CDH12: variants seen among roughly 807,000 people sequenced by gnomAD.
CDH12 encodes cadherin-12.
A neutral mutation model predicts 74.1 loss-of-function variants in CDH12; 41 were observed. The observed-to-expected ratio is 0.55, with a 90% CI of 0.43 to 0.72. The LOEUF (loss-of-function observed/expected upper bound fraction) is 0.72. CDH12 is among the 30% of genes least tolerant of loss of function. The pLI, the probability that CDH12 is intolerant of heterozygous loss-of-function variation, is 0.00. For missense variants in CDH12, 945 were observed against 977.2 expected (o/e 0.97, Z 0.44); for synonymous variants, 399 against 355.0 (o/e 1.12, Z -1.39).
chr5:22,308,853 C>CAG (rs141870636), intron 3 of CDH12, among the ~76,000 whole-genome samples: 124 of 135,868 alleles, frequency 9.1e-4, no homozygotes, highest in African/African-American at 3.1e-3. Context: ...CACATACACA[C>CAG]AGAGAGAGAG....
chr5:22,348,547 G>C (rs1395906675), intron 3 of CDH12, among the ~76,000 whole-genome samples: 1 of 152,144 alleles, frequency 6.6e-6, no homozygotes, highest in African/African-American at 2.4e-5. Context: ...GATTGTTCAT[G>C]TACATATACA....
At position 22,279,382 on chromosome 5, in the gene CDH12, C is replaced by T. The variant is rs1736775591; in HGVS notation, c.-332-66739G>A. 3.9e-5 allele frequency among the ~76,000 whole-genome samples: 6 copies of T among 152,180 alleles called. No individual in the cohort carries two copies. In the South Asian group the frequency reaches 1.2e-3, roughly 32 times the overall value. On this transcript the variant is annotated intron_variant, in intron 3 of 14. Coordinates refer to ENST00000382254, the MANE Select transcript of CDH12 (RefSeq NM_004061.5). The stretch of plus-strand genomic sequence containing the variant: ...TTAGAAAATTACTGTTTTTTATATA[C>T]ATATTGATTATACTTTAAGTTTTAG...
intron 3 of CDH12, among the ~76,000 whole-genome samples, chr5:22,317,497 ACAAC>A (rs1478662895): frequency 1.3e-5 from 2 of 152,188 alleles, no homozygotes; most frequent in African/African-American, 4.8e-5. Context: ...AGATTATAAG[ACAAC>A]CAACCATGAA....
At chr5:22,447,423 C>T (rs1744857752) in intron 2 of CDH12, among the ~76,000 whole-genome samples, 2 of 151,992 alleles carry the variant, frequency 1.3e-5, no homozygotes, top group Admixed American at 6.6e-5. Flanking sequence ...AAAATATTAA[C>T]AAGCCTAATG....
At chr5:22,767,877 G>A (rs1046200208) in intron 1 of CDH12, among the ~76,000 whole-genome samples, 3 of 151,664 alleles carry the variant, frequency 2.0e-5, no homozygotes, top group East Asian at 3.9e-4. Flanking sequence ...ATTTTTAAAG[G>A]CAGCATTTCA....
Position 22,512,647 on chromosome 5 carries a change from T to C in CDH12, c.-522-7283A>G, listed in dbSNP as rs546553720. ...AACTTGGGCATAGACATACATCTTG[T>C]TTCCAATGCCCCTACGATAATGAAA... On this transcript the variant is annotated intron_variant, in intron 1 of 14. Transcript: ENST00000382254. Among the ~76,000 whole-genome samples, 25 of 152,316 alleles carry C rather than the reference T, an allele frequency of 1.6e-4. No individual in the cohort carries two copies. The South Asian group carries it at 2.3e-3, about 14-fold the overall frequency.
intron 3 of CDH12, among the ~76,000 whole-genome samples, chr5:22,306,626 C>T (rs1241437561): frequency 1.3e-5 from 2 of 152,094 alleles, no homozygotes; most frequent in South Asian, 2.1e-4. Context: ...GTTTCTAGCA[C>T]ACACTTTGTG....
intron 5 of CDH12, among the ~76,000 whole-genome samples, chr5:22,027,686 G>C (rs1580133900): frequency 2.0e-5 from 3 of 151,988 alleles, no homozygotes; most frequent in Admixed American, 2.0e-4. Context: ...TTTATTGTGT[G>C]TATTTGATTC....
At chr5:21,942,292 A>C (rs2150091369) in intron 6 of CDH12, among the ~76,000 whole-genome samples, 2 of 150,256 alleles carry the variant, frequency 1.3e-5, no homozygotes, top group East Asian at 3.9e-4. Context: ...TTAATCCACT[A>C]AGTTGGTAGT....
intron 6 of CDH12, among the ~76,000 whole-genome samples, chr5:21,963,093 C>CGATA (rs199706779): frequency 0.045 from 6,847 of 150,920 alleles, 173 homozygotes; most frequent in East Asian, 0.089. Flanking sequence ...TTACAAATAT[C>CGATA]GATAGATAGA....
At chr5:22,750,917 GA>G (rs34040056) in intron 1 of CDH12, among the ~76,000 whole-genome samples, 2,533 of 140,990 alleles carry the variant, frequency 0.018, 75 homozygotes, top group African/African-American at 0.062. Context: ...AAATCATAGT[GA>G]AAAAAAAAAA....
intron 1 of CDH12, among the ~76,000 whole-genome samples, chr5:22,851,894 G>T (rs1357414420): frequency 6.6e-6 from 1 of 152,116 alleles, no homozygotes; most frequent in Admixed American, 6.5e-5. Context: ...GAATGATGAG[G>T]TTCAGTATTT....
chr5:22,398,468 C>T (rs1742562384), intron 3 of CDH12, among the ~76,000 whole-genome samples: 1 of 152,068 alleles, frequency 6.6e-6, no homozygotes, highest in Admixed American at 6.6e-5. Flanking sequence ...CATAGATCTC[C>T]AGTCTTTAAG....
intron 3 of CDH12, among the ~76,000 whole-genome samples, chr5:22,302,845 CT>C (rs1445328292): frequency 2.6e-5 from 4 of 151,940 alleles, no homozygotes; most frequent in Non-Finnish European, 5.9e-5. Context: ...GAACGTAAAA[CT>C]GATTAAAGAC....
intron 4 of CDH12, among the ~76,000 whole-genome samples, chr5:22,116,608 GAA>G (rs1282291134): frequency 2.3e-5 from 3 of 132,222 alleles, no homozygotes; most frequent in African/African-American, 5.5e-5. Flanking sequence ...CTGTTTCAAA[GAA>G]AAAAAAAAAA....
chr5:21,815,537 C>T (rs1747993218), intron 9 of CDH12, among the ~76,000 whole-genome samples: 1 of 152,194 alleles, frequency 6.6e-6, no homozygotes, highest in Non-Finnish European at 1.5e-5. Context: ...TAATTTCTTC[C>T]TAATATTTCA....
intron 3 of CDH12, among the ~76,000 whole-genome samples, chr5:22,226,066 C>G (rs1012174168): frequency 1.3e-5 from 2 of 151,962 alleles, no homozygotes; most frequent in Non-Finnish European, 2.9e-5. Context: ...TACTTTCCCA[C>G]AGTCTTCCCT....
At chr5:21,886,764 G>T (rs958499600) in intron 6 of CDH12, among the ~76,000 whole-genome samples, 1 of 151,590 alleles carries the variant, frequency 6.6e-6, no homozygotes, top group Non-Finnish European at 1.5e-5. Flanking sequence ...TTTCATAGAT[G>T]TTGGGGGAAG....
At chr5:22,749,774 T>C (rs1745470402) in intron 1 of CDH12, among the ~76,000 whole-genome samples, 1 of 152,202 alleles carries the variant, frequency 6.6e-6, no homozygotes, top group Non-Finnish European at 1.5e-5. Flanking sequence ...GTGGTCCTGT[T>C]CCCCTTGCAG....
Sources: allele counts gnomAD v4.1 joint callset (sites outside exome capture counted in the v4.1 genomes callset), GRCh38; gene constraint gnomAD v4.1.1; transcripts MANE v1.5; gene names NCBI Gene and HGNC (gene_info 2026-07-23, HGNC 2026-07-21).